Variants in PCP4 observed in about 807,000 individuals in gnomAD.
PCP4 encodes Purkinje cell protein 4.
PCP4 carries 8 observed loss-of-function variants against 10.0 expected under a neutral mutation model. The ratio of observed to expected loss-of-function variants is 0.80; its 90% confidence interval spans 0.47 to 1.45. The LOEUF is 1.45. Ranked by LOEUF, PCP4 falls within the 40% of genes most tolerant of loss-of-function variation. The pLI is 0.00. For missense variants in PCP4, 54 were observed against 74.4 expected (o/e 0.73, Z 1.01); for synonymous variants, 21 against 23.0 (o/e 0.91, Z 0.24).
In PCP4 at chr21:39,905,921, C is replaced by G. The variant is rs777657092; in HGVS notation, c.61+7394C>G. On this transcript the variant is annotated intron_variant, in intron 2 of 2. Transcript: ENST00000328619. ...AAATTAGCCGGGGGTGTGGTGGTGG[C>G]TGCCTGTAGTCCCAGATACTCAGGA... Among the ~76,000 whole-genome samples, 42 of 152,190 alleles carry G rather than the reference C, an allele frequency of 2.8e-4. 2 individuals are homozygous for G. The highest frequency in any genetic ancestry group is 1.7e-3 in the Admixed American group (26 of 15,288).
intron 2 of PCP4, among the ~76,000 whole-genome samples, chr21:39,925,427 T>C (rs1051840284): frequency 4.6e-5 from 7 of 152,216 alleles, no homozygotes; most frequent in African/African-American, 1.7e-4. Flanking sequence ...CAGTTGTTAA[T>C]TGAACACCTA....
chr21:39,881,887 C>G (rs1389514028), intron 1 of PCP4, among the ~76,000 whole-genome samples: 1 of 152,188 alleles, frequency 6.6e-6, no homozygotes, highest in Non-Finnish European at 1.5e-5. Context: ...CCAAGTCAAT[C>G]TGCCCAGACT....
At chr21:39,919,461 A>T (rs1279324892) in intron 2 of PCP4, among the ~76,000 whole-genome samples, 1 of 152,228 alleles carries the variant, frequency 6.6e-6, no homozygotes, top group Non-Finnish European at 1.5e-5. Context: ...ATAGTACGCT[A>T]TGTGCTGTGA....
At chr21:39,928,758 G>A (rs907705327) in intron 2 of PCP4, among the ~76,000 whole-genome samples, 3 of 152,140 alleles carry the variant, frequency 2.0e-5, no homozygotes, top group African/African-American at 7.2e-5. Context: ...GAAGTGTTGA[G>A]ACTGTGTCCT....
chr21:39,867,939 C>A (rs911035443), intron 1 of PCP4, among the ~76,000 whole-genome samples: 19 of 152,230 alleles, frequency 1.2e-4, no homozygotes, highest in African/African-American at 4.6e-4. Flanking sequence ...AAGGGCTGGC[C>A]GTTGGGTGGC....
At chr21:39,889,448 G>A (rs2087417782) in intron 1 of PCP4, among the ~76,000 whole-genome samples, 1 of 109,942 alleles carries the variant, frequency 9.1e-6, no homozygotes, top group South Asian at 3.0e-4. Flanking sequence ...ACAGAGTCTT[G>A]CTCTGTCACC....
chr21:39,880,476 T>C (rs979190066), intron 1 of PCP4, among the ~76,000 whole-genome samples: 3 of 152,164 alleles, frequency 2.0e-5, no homozygotes, highest in African/African-American at 7.2e-5. Context: ...TGTGTGTGTG[T>C]GCATGCGTGT....
intron 2 of PCP4, among the ~76,000 whole-genome samples, chr21:39,927,359 ATC>A (rs61487230): frequency 1.4e-3 from 85 of 62,148 alleles, no homozygotes; most frequent in South Asian, 0.011. Flanking sequence ...CTATCTATCT[ATC>A]TATCTATCAT....
chr21:39,915,876 G>T (rs1179643924), intron 2 of PCP4, among the ~76,000 whole-genome samples: 1 of 152,046 alleles, frequency 6.6e-6, no homozygotes, highest in Non-Finnish European at 1.5e-5. Context: ...CAGGGGTTTT[G>T]GAACTAAGAA....
chr21:39,916,660 G>A (rs1417823237), intron 2 of PCP4, among the ~76,000 whole-genome samples: 2 of 152,162 alleles, frequency 1.3e-5, no homozygotes, highest in Non-Finnish European at 2.9e-5. Flanking sequence ...AGACACAAGC[G>A]TGTATATGTT....
At chr21:39,903,838 G>A (rs1042713115) in intron 2 of PCP4, among the ~76,000 whole-genome samples, 2 of 144,040 alleles carry the variant, frequency 1.4e-5, no homozygotes, top group Non-Finnish European at 3.0e-5. Flanking sequence ...ACTGCAATCC[G>A]GCCTGGGCTA....
At chr21:39,917,694 C>G (rs1170350091) in intron 2 of PCP4, among the ~76,000 whole-genome samples, 1 of 152,170 alleles carries the variant, frequency 6.6e-6, no homozygotes, top group Non-Finnish European at 1.5e-5. Flanking sequence ...CTTAGTCAAG[C>G]TGTTTCTCAT....
At chr21:39,880,196 ATC>A (rs199524063) in intron 1 of PCP4, among the ~76,000 whole-genome samples, 1,606 of 143,740 alleles carry the variant, frequency 0.011, 27 homozygotes, top group African/African-American at 0.044. Flanking sequence ...ATCTATCTAT[ATC>A]TATTCCCTGT....
chr21:39,898,041 G>A (rs1320612186), intron 1 of PCP4, among the ~76,000 whole-genome samples: 24 of 84,370 alleles, frequency 2.8e-4, no homozygotes, highest in African/African-American at 6.1e-4. Context: ...GCCAGACTCA[G>A]TCTCAAAAAA....
chr21:39,897,637 T>C (rs1205102520), intron 1 of PCP4, among the ~76,000 whole-genome samples: 2 of 152,092 alleles, frequency 1.3e-5, no homozygotes, highest in Non-Finnish European at 2.9e-5. Flanking sequence ...ACTTCATACT[T>C]CTAGTTAACC....
In PCP4 at chr21:39,906,830, C is replaced by T. The variant is rs1262359488; in HGVS notation, c.61+8303C>T. Among the ~76,000 whole-genome samples the T allele has an allele frequency of 1.3e-5, 2 of 152,318 alleles. No individual in the cohort carries two copies. The highest frequency in any genetic ancestry group is 6.5e-5 in the Admixed American group (1 of 15,302). ...GCTTGAACCAGGAAAATGTGCATCC[C>T]TCTAGCCTTTGGAAACCTGCCCCAA... is the stretch of plus-strand genomic sequence containing the variant. On this transcript the variant is annotated intron_variant, in intron 2 of 2. Transcript: ENST00000328619. The surrounding 1 kb of genome is among the most constrained non-coding windows in gnomAD (Gnocchi z 6.3).
At chr21:39,868,222 A>G (rs1758885811) in intron 1 of PCP4, among the ~76,000 whole-genome samples, 2 of 152,198 alleles carry the variant, frequency 1.3e-5, no homozygotes, top group African/African-American at 4.8e-5. Context: ...TATGAAGCAG[A>G]TTAGCGGTGG....
intron 2 of PCP4, among the ~76,000 whole-genome samples, chr21:39,917,440 A>G (rs1568861197): frequency 6.6e-6 from 1 of 152,170 alleles, no homozygotes; most frequent in Non-Finnish European, 1.5e-5. Context: ...ACATCGGGGA[A>G]TGATGTCCTC....
At chr21:39,915,547 G>A (rs1174306035) in intron 2 of PCP4, among the ~76,000 whole-genome samples, 1 of 152,218 alleles carries the variant, frequency 6.6e-6, no homozygotes, top group Non-Finnish European at 1.5e-5. Context: ...GAAGGATTCT[G>A]GAGGTAGATG....
Sources: gnomAD v4.1 joint callset for allele counts (sites outside exome capture counted in the v4.1 genomes callset) on GRCh38, gnomAD v4.1.1 for gene constraint, Gnocchi (gnomAD v3.1) non-coding constraint, MANE v1.5 for transcripts, NCBI Gene and HGNC (gene_info 2026-07-23, HGNC 2026-07-21) for gene names.